NRXN3: variants seen among roughly 807,000 people sequenced by gnomAD.
NRXN3 encodes the protein neurexin III.
Under a neutral mutation model 137.6 loss-of-function variants are expected in NRXN3, and 32 were observed. The ratio of observed to expected loss-of-function variants is 0.23; its 90% CI spans 0.18 to 0.31. NRXN3 has a LOEUF of 0.31. Among genes scored for constraint, NRXN3 ranks in the 10% least tolerant of loss-of-function variants. The probability of loss-of-function intolerance (pLI) is 1.00; values close to 1 mark genes in which losing one functional copy is unlikely to be tolerated. For synonymous variants in NRXN3, 798 were observed against 784.5 expected, an observed-to-expected ratio of 1.02 and a Z score of -0.29; for missense variants, 1,574 against 2,062.5, an observed-to-expected ratio of 0.76 and a Z score of 4.59.
chr14:78,269,083 C>T (rs2365680), intron 2 of NRXN3, among the ~76,000 whole-genome samples: 25,193 of 152,116 alleles, frequency 0.17, 2,400 homozygotes, highest in Middle Eastern at 0.22. Flanking sequence ...CTCACAGCAA[C>T]CTGGTCATGT....
intron 4 of NRXN3, among the ~76,000 whole-genome samples, chr14:78,578,199 A>G (rs1566798869): frequency 6.6e-6 from 1 of 152,182 alleles, no homozygotes; most frequent in Non-Finnish European, 1.5e-5. Flanking sequence ...TGGACACATA[A>G]TTTATCATAG....
chr14:79,692,408 C>A, intron 18 of NRXN3, 146 bp downstream of exon 18: 1 of 678,006 alleles, frequency 1.5e-6, no homozygotes, highest in Non-Finnish European at 2.5e-6. Flanking sequence ...TCAGCTTCCA[C>A]CTGCCATATG....
chr14:78,638,535 AT>A (rs1321959356), intron 4 of NRXN3, among the ~76,000 whole-genome samples: 1 of 152,164 alleles, frequency 6.6e-6, no homozygotes, highest in Non-Finnish European at 1.5e-5. Flanking sequence ...TCCTCCCTAA[AT>A]TCTAGCAGGA....
Position 78,573,122 on chromosome 14 carries a change from A to G in NRXN3, c.758-71998A>G, listed in dbSNP as rs145947348. Reference sequence around the variant, plus strand: ...TTCTCTATCCTACTGCCCCGTGAAGAGATGCCTTCTGCCATGATTGTAAGT... The same window carrying G: ...TTCTCTATCCTACTGCCCCGTGAAGGGATGCCTTCTGCCATGATTGTAAGT... On this transcript the variant is annotated intron_variant, in intron 4 of 20. Coordinates refer to ENST00000335750, the MANE Select transcript of NRXN3 (RefSeq NM_001330195.2). Among the ~76,000 whole-genome samples, 860 of 152,330 alleles carry G rather than the reference A, an allele frequency of 5.6e-3. 6 individuals are homozygous for G. Among genetic ancestry groups the G allele is most frequent in the African/African-American group, 0.02 (820 of 41,576 alleles).
At chr14:78,218,269 A>T (rs890521220) in intron 1 of NRXN3, among the ~76,000 whole-genome samples, 2 of 151,964 alleles carry the variant, frequency 1.3e-5, no homozygotes, top group Admixed American at 6.6e-5. Flanking sequence ...AGGTGGAAGG[A>T]TTGCTTGAGC....
At chr14:78,321,228 T>C (rs548637975) in intron 4 of NRXN3, among the ~76,000 whole-genome samples, 1 of 152,168 alleles carries the variant, frequency 6.6e-6, no homozygotes, top group South Asian at 2.1e-4. Flanking sequence ...TTGAGCTCTT[T>C]CCAGTGTCTC....
intron 4 of NRXN3, among the ~76,000 whole-genome samples, chr14:78,561,176 G>A (rs2096783257): frequency 6.6e-6 from 1 of 152,138 alleles, no homozygotes; most frequent in Non-Finnish European, 1.5e-5. Flanking sequence ...TGAGTCTTTA[G>A]GGTTTTCTAC....
chr14:78,979,651 G>C (rs1004145908), intron 14 of NRXN3, among the ~76,000 whole-genome samples: 2 of 152,116 alleles, frequency 1.3e-5, no homozygotes, highest in Non-Finnish European at 2.9e-5. Flanking sequence ...CTGTTCTCAT[G>C]CTGCTAATAA....
In NRXN3 at chr14:79,536,173, C is replaced by T. The variant is rs549512269; in HGVS notation, c.3444+68771C>T. Reference sequence around the variant, plus strand: ...AAGAAATGTAGGATCCATTTATGGTCTCTCCTAGAATCATGCCATATGTTG... The same window carrying T: ...AAGAAATGTAGGATCCATTTATGGTTTCTCCTAGAATCATGCCATATGTTG... On this transcript the variant is annotated intron_variant, in intron 16 of 20. Transcript: ENST00000335750. Among the ~76,000 whole-genome samples the T allele has an allele frequency of 3.3e-4, 51 of 152,296 alleles. 1 individual carries two copies. Among genetic ancestry groups the T allele is most frequent in the African/African-American group, 1.2e-3 (49 of 41,578 alleles).
intron 2 of NRXN3, among the ~76,000 whole-genome samples, chr14:78,253,564 A>G (rs187461615): frequency 1.9e-3 from 290 of 152,236 alleles, no homozygotes; most frequent in Non-Finnish European, 3.4e-3. Context: ...GGTGCCAGCT[A>G]CTTGGGAAGC....
Position 79,658,095 on chromosome 14 carries a change from A to G in NRXN3, c.3445-5683A>G, listed in dbSNP as rs2098515370. 3.3e-5 allele frequency among the ~76,000 whole-genome samples: 5 copies of G among 152,200 alleles called. No homozygotes were observed. In the South Asian group the frequency reaches 8.3e-4, roughly 25 times the overall value. On this transcript the variant is annotated intron_variant, in intron 16 of 20. Coordinates refer to ENST00000335750, the MANE Select transcript of NRXN3 (RefSeq NM_001330195.2). Reference sequence around the variant, plus strand: ...ACATAAAATATGTAATATGTAACACATGTATTTCTGTTATAGAAATAACTC... The same window carrying G: ...ACATAAAATATGTAATATGTAACACGTGTATTTCTGTTATAGAAATAACTC...
intron 15 of NRXN3, among the ~76,000 whole-genome samples, chr14:79,363,457 A>G (rs890927749): frequency 2.0e-5 from 3 of 152,166 alleles, no homozygotes; most frequent in Non-Finnish European, 2.9e-5. Context: ...AATTAGTGTT[A>G]TGCTCCATGG....
intron 6 of NRXN3, among the ~76,000 whole-genome samples, chr14:78,678,668 A>G (rs1347981041): frequency 2.0e-5 from 3 of 152,320 alleles, no homozygotes; most frequent in East Asian, 3.9e-4. Flanking sequence ...CCAATAAATC[A>G]AATAATGTAG....
intron 19 of NRXN3, among the ~76,000 whole-genome samples, chr14:79,742,283 G>T (rs1214123854): frequency 6.6e-6 from 1 of 152,086 alleles, no homozygotes. Flanking sequence ...TTGGAGTTTT[G>T]CATGATAATG....
At chr14:79,531,336 A>G (rs528848882) in intron 16 of NRXN3, among the ~76,000 whole-genome samples, 1 of 152,326 alleles carries the variant, frequency 6.6e-6, no homozygotes, top group South Asian at 2.1e-4. Context: ...TTTGAGCTTC[A>G]TTTAAAGCAT....
Position 79,071,703 on chromosome 14 carries a change from G to A in NRXN3, c.3262+83562G>A, listed in dbSNP as rs147665109. Among the ~76,000 whole-genome samples the A allele has an allele frequency of 3.7e-3, 570 of 152,032 alleles. 2 individuals carry two copies. Among genetic ancestry groups the A allele is most frequent in the African/African-American group, 0.013 (538 of 41,462 alleles). ...GGAACTTGGAGGGAAAAGTGGGGAC[G>A]GTTCATTGGTACCAAAAAATAGTTA... On this transcript the variant is annotated intron_variant, in intron 15 of 20. Coordinates refer to ENST00000335750, the MANE Select transcript of NRXN3 (RefSeq NM_001330195.2).
At chr14:79,232,045 G>A (rs750482704) in intron 15 of NRXN3, among the ~76,000 whole-genome samples, 48 of 152,096 alleles carry the variant, frequency 3.2e-4, no homozygotes, top group Admixed American at 5.9e-4. Flanking sequence ...AATTGGAAAG[G>A]GAAGGAACAT....
At chr14:79,132,353 C>A (rs1325671927) in intron 15 of NRXN3, among the ~76,000 whole-genome samples, 1 of 152,126 alleles carries the variant, frequency 6.6e-6, no homozygotes, top group African/African-American at 2.4e-5. Flanking sequence ...AAAACAGTGT[C>A]AGAATTGAGA....
intron 17 of NRXN3, among the ~76,000 whole-genome samples, chr14:79,668,841 G>A (rs959639335): frequency 7.9e-5 from 12 of 152,124 alleles, no homozygotes; most frequent in Admixed American, 6.6e-4. Context: ...TATAAGAGCC[G>A]CTGACTTAGA....
Sources: gnomAD v4.1 joint callset for allele counts (sites outside exome capture counted in the v4.1 genomes callset) on GRCh38, gnomAD v4.1.1 for gene constraint, MANE v1.5 for transcripts, NCBI Gene and HGNC (gene_info 2026-07-23, HGNC 2026-07-21) for gene names.